ASAP1: variants seen among roughly 807,000 people sequenced by gnomAD.
ASAP1 encodes arf-GAP with SH3 domain, ANK repeat and PH domain-containing protein 1.
Under a neutral mutation model 145.2 loss-of-function variants are expected in ASAP1, and 43 were observed. That is an observed-to-expected ratio of 0.30 (90% CI 0.23 to 0.38). The LOEUF (loss-of-function observed/expected upper bound fraction) is 0.38, where lower values mean the gene tolerates loss of function less well. ASAP1 is among the 10% of genes least tolerant of loss of function. The probability of loss-of-function intolerance (pLI) is 1.00; values close to 1 mark genes in which losing one functional copy is unlikely to be tolerated. For synonymous variants in ASAP1, 546 were observed against 515.5 expected (o/e 1.06, Z -0.80); for missense variants, 1,018 against 1,355.3 (o/e 0.75, Z 3.91).
chr8:130,402,113 A>C, intron 1 of ASAP1, 143 bp from the exon 2 acceptor site: 1 of 563,458 alleles, frequency 1.8e-6, no homozygotes, highest in South Asian at 2.6e-5. Flanking sequence ...GGCTGTCCAG[A>C]AATATGAAGG....
intron 3 of ASAP1, among the ~76,000 whole-genome samples, chr8:130,307,033 A>G (rs1823035234): frequency 6.6e-6 from 1 of 152,204 alleles, no homozygotes; most frequent in Non-Finnish European, 1.5e-5. Context: ...ATTTCCTTAA[A>G]GAGATACCTC....
At chr8:130,300,153 C>CACACACACAG (rs1196584279) in intron 3 of ASAP1, among the ~76,000 whole-genome samples, 14 of 76,924 alleles carry the variant, frequency 1.8e-4, no homozygotes, top group Non-Finnish European at 3.2e-4. Flanking sequence ...CACACACACA[C>CACACACACAG]AGAGAGAGAG....
At chr8:130,400,828 G>C (rs1045497016) in intron 2 of ASAP1, among the ~76,000 whole-genome samples, 1 of 151,940 alleles carries the variant, frequency 6.6e-6, no homozygotes, top group Admixed American at 6.6e-5. Flanking sequence ...TGCAGTAAGG[G>C]AAAATTGACT....
chr8:130,133,148 T>TA (rs1310917144), intron 15 of ASAP1, among the ~76,000 whole-genome samples: 3,696 of 134,934 alleles, frequency 0.027, 138 homozygotes, highest in African/African-American at 0.089. Flanking sequence ...TCATTAGAAA[T>TA]AAAAAAAAAA....
chr8:130,160,673 T>C (rs138426316), intron 11 of ASAP1: 254 of 606,768 alleles, frequency 4.2e-4, no homozygotes, highest in Non-Finnish European at 5.8e-4. Context: ...AAACAGCCAT[T>C]ACATTACGAA....
chr8:130,186,258 G>A (rs958817067), intron 7 of ASAP1, among the ~76,000 whole-genome samples: 13 of 152,184 alleles, frequency 8.5e-5, no homozygotes, highest in African/African-American at 2.6e-4. Flanking sequence ...GTCAATGTAC[G>A]GATATATTCC....
intron 3 of ASAP1, among the ~76,000 whole-genome samples, chr8:130,248,904 T>C (rs1216885129): frequency 6.6e-6 from 1 of 152,152 alleles, no homozygotes; most frequent in Admixed American, 6.5e-5. Flanking sequence ...ATTCTGCCAA[T>C]TCAATCTCAG....
intron 3 of ASAP1, among the ~76,000 whole-genome samples, chr8:130,284,858 C>CACACAA (rs1821503366): frequency 6.7e-6 from 1 of 149,516 alleles, no homozygotes; most frequent in Non-Finnish European, 1.5e-5. Flanking sequence ...CACACACACA[C>CACACAA]ACACACACAC....
chr8:130,434,882 C>T (rs188762667), intron 1 of ASAP1, among the ~76,000 whole-genome samples: 1 of 152,126 alleles, frequency 6.6e-6, no homozygotes, highest in African/African-American at 2.4e-5. Context: ...ATACACCGAA[C>T]AATAGCCCCT....
intron 1 of ASAP1, among the ~76,000 whole-genome samples, chr8:130,414,037 A>G (rs367888152): frequency 2.0e-4 from 31 of 152,194 alleles, no homozygotes; most frequent in African/African-American, 7.5e-4. Context: ...AGAAGTTGCT[A>G]TAAAGTAGAG....
intron 3 of ASAP1, among the ~76,000 whole-genome samples, chr8:130,294,623 C>A (rs1300510130): frequency 1.3e-5 from 2 of 152,214 alleles, no homozygotes; most frequent in African/African-American, 2.4e-5. Context: ...TGGACTTACA[C>A]AAATCTAAGT....
At chr8:130,086,279 A>G (rs759576418) in intron 25 of ASAP1, among the ~76,000 whole-genome samples, 1 of 152,212 alleles carries the variant, frequency 6.6e-6, no homozygotes, top group African/African-American at 2.4e-5. Context: ...AGTGTAAATC[A>G]CTTAACCTTT....
intron 25 of ASAP1, among the ~76,000 whole-genome samples, chr8:130,085,993 C>T (rs957527185): frequency 2.6e-5 from 4 of 152,196 alleles, no homozygotes; most frequent in African/African-American, 9.6e-5. Flanking sequence ...CCAGCCTGGG[C>T]AGCGCAGGAG....
intron 11 of ASAP1, among the ~76,000 whole-genome samples, chr8:130,165,643 A>C (rs2097678454): frequency 6.6e-6 from 1 of 152,182 alleles, no homozygotes; most frequent in African/African-American, 2.4e-5. Flanking sequence ...TGGATGCAGA[A>C]ACTGCCTTAG....
At chr8:130,259,674 C>T (rs1182193695) in intron 3 of ASAP1, among the ~76,000 whole-genome samples, 2 of 152,170 alleles carry the variant, frequency 1.3e-5, no homozygotes, top group Non-Finnish European at 2.9e-5. Context: ...ATTAGCTATG[C>T]CCCACTGCCT....
At chr8:130,065,619 T>C (rs896472554) in intron 27 of ASAP1, among the ~76,000 whole-genome samples, 3 of 152,122 alleles carry the variant, frequency 2.0e-5, no homozygotes, top group African/African-American at 7.2e-5. Context: ...CCAATACATA[T>C]ATATCTACAG....
At chr8:130,261,564 T>C (rs1441058175) in intron 3 of ASAP1, among the ~76,000 whole-genome samples, 1 of 151,904 alleles carries the variant, frequency 6.6e-6, no homozygotes, top group Admixed American at 6.6e-5. Context: ...TCTTTGATTG[T>C]GAGTAAAGAT....
intron 3 of ASAP1, among the ~76,000 whole-genome samples, chr8:130,250,168 T>C (rs766556161): frequency 2.6e-5 from 4 of 152,144 alleles, no homozygotes; most frequent in Non-Finnish European, 5.9e-5. Context: ...CTATTTTGCA[T>C]CCTCTGACCT....
intron 1 of ASAP1, among the ~76,000 whole-genome samples, chr8:130,443,097 C>T (rs1830544129): frequency 6.6e-6 from 1 of 152,170 alleles, no homozygotes; most frequent in African/African-American, 2.4e-5. Context: ...GGGGTCCGGG[C>T]CGCCAAGCAC....
Sources: allele counts gnomAD v4.1 joint callset (sites outside exome capture counted in the v4.1 genomes callset), GRCh38; gene constraint gnomAD v4.1.1; transcripts MANE v1.5; gene names NCBI Gene and HGNC (gene_info 2026-07-23, HGNC 2026-07-21).